Variants in VEGFC observed in about 807,000 individuals in gnomAD.
VEGFC encodes FLT4 ligand DHM.
A neutral mutation model predicts 46.1 loss-of-function variants in VEGFC; 12 were observed. That is an observed-to-expected ratio of 0.26 (90% CI 0.17 to 0.42). The LOEUF is 0.42. Among genes scored for constraint, VEGFC ranks in the 10% least tolerant of loss-of-function variants. The pLI is 1.00. For missense variants in VEGFC, 488 were observed against 529.4 expected (o/e 0.92, Z 0.77); for synonymous variants, 232 against 195.5 (o/e 1.19, Z -1.56).
intron 1 of VEGFC, among the ~76,000 whole-genome samples, chr4:176,763,130 A>T (rs1560959088): frequency 6.6e-6 from 1 of 152,372 alleles, no homozygotes; most frequent in East Asian, 1.9e-4. Flanking sequence ...TAAGCCAAAA[A>T]TACCTTTGAA....
At chr4:176,776,352 TTA>T (rs1160975859) in intron 1 of VEGFC, among the ~76,000 whole-genome samples, 2 of 152,232 alleles carry the variant, frequency 1.3e-5, no homozygotes, top group Non-Finnish European at 2.9e-5. Flanking sequence ...GAGGGCAACA[TTA>T]GCTGCAAAGG....
chr4:176,694,611 G>T (rs1177146197), intron 4 of VEGFC, among the ~76,000 whole-genome samples: 2 of 151,838 alleles, frequency 1.3e-5, no homozygotes, highest in Non-Finnish European at 2.9e-5. Flanking sequence ...ATTGAACTCA[G>T]TTCTGCACCA....
chr4:176,711,434 G>T, intron 4 of VEGFC, 65 bp downstream of exon 4: 1 of 1,504,312 alleles, frequency 6.6e-7, no homozygotes, highest in Non-Finnish European at 8.9e-7. Context: ...TTTAACTTAT[G>T]TTTACTTGAA....
Position 176,683,707 on chromosome 4 carries a change from T to A in VEGFC, c.*219A>T, listed in dbSNP as rs1733983358. On this transcript the variant is annotated 3_prime_UTR_variant, in exon 7 of 7. Coordinates refer to ENST00000618562, the MANE Select transcript of VEGFC (RefSeq NM_005429.5). ...TTAAAGAAATCACAAGAGGAAAATC[T>A]TGGCTGTTTGGTCATTGGCAGAAAA... 2.7e-6 allele frequency: 1 copy of A among 370,116 alleles called. No individual in the cohort carries two copies. Among genetic ancestry groups the A allele is most frequent in the African/African-American group, 2.1e-5 (1 of 48,538 alleles). 22.9% of individuals were successfully genotyped at this position (370,116 alleles called of 1,614,324 possible). A position where few individuals can be genotyped will look rare whatever the true frequency, so the allele number is the denominator to read the frequency against.
chr4:176,758,481 T>C (rs4398479), intron 1 of VEGFC, among the ~76,000 whole-genome samples: 1,698 of 152,214 alleles, frequency 0.011, 25 homozygotes, highest in Middle Eastern at 0.099. Context: ...GCACATTTTT[T>C]AATCTTGGCA....
At chr4:176,780,257 T>A (rs991581409) in intron 1 of VEGFC, among the ~76,000 whole-genome samples, 1 of 151,770 alleles carries the variant, frequency 6.6e-6, no homozygotes, top group African/African-American at 2.4e-5. Context: ...GGTGCGTGCC[T>A]GTAATCCCAG....
chr4:176,710,713 G>C lies in VEGFC; in HGVS notation c.704+786C>G, dbSNP rs976072753. On this transcript the variant is annotated intron_variant, in intron 4 of 6. Coordinates refer to ENST00000618562, the MANE Select transcript of VEGFC (RefSeq NM_005429.5). Reference sequence around the variant, plus strand: ...CACCGGATATCCTAAGGAACAAAGGGTTGCATCCCTACTTTGGGGCAGAAA... The same window carrying C: ...CACCGGATATCCTAAGGAACAAAGGCTTGCATCCCTACTTTGGGGCAGAAA... Among the ~76,000 whole-genome samples, 3 of 152,072 alleles carry C rather than the reference G, an allele frequency of 2.0e-5. No homozygotes were observed. The South Asian group carries it at 6.2e-4, about 32-fold the overall frequency.
intron 4 of VEGFC, among the ~76,000 whole-genome samples, chr4:176,691,144 T>C (rs1034986699): frequency 2.0e-5 from 3 of 152,148 alleles, no homozygotes; most frequent in Non-Finnish European, 4.4e-5. Flanking sequence ...GGTCAACATT[T>C]CCAAAATATT....
chr4:176,750,191 C>T (rs897885913), intron 1 of VEGFC, among the ~76,000 whole-genome samples: 15 of 151,528 alleles, frequency 9.9e-5, no homozygotes, highest in South Asian at 4.1e-4. Flanking sequence ...ATTATTACTC[C>T]GATCTCTGAA....
chr4:176,736,753 T>C (rs1456161311), intron 1 of VEGFC, among the ~76,000 whole-genome samples: 2 of 151,738 alleles, frequency 1.3e-5, no homozygotes, highest in African/African-American at 2.4e-5. Context: ...TGCATAATTG[T>C]TTGTTAAATA....
chr4:176,779,052 C>CTG (rs780363954), intron 1 of VEGFC, among the ~76,000 whole-genome samples: 10 of 152,188 alleles, frequency 6.6e-5, no homozygotes, highest in Admixed American at 3.9e-4. Context: ...ATGTATAGTG[C>CTG]TGTATTTATG....
intron 1 of VEGFC, among the ~76,000 whole-genome samples, chr4:176,732,371 G>A (rs4254711): frequency 0.86 from 131,242 of 151,860 alleles, 57,381 homozygotes; most frequent in East Asian, 1. Flanking sequence ...ATTAGCACCT[G>A]AAGTTTTCTT....
At chr4:176,774,454 C>T (rs536607393) in intron 1 of VEGFC, among the ~76,000 whole-genome samples, 1 of 152,236 alleles carries the variant, frequency 6.6e-6, no homozygotes, top group South Asian at 2.1e-4. Context: ...ACTATTATTT[C>T]GTTATGCTAA....
chr4:176,696,324 C>T (rs563335767), intron 4 of VEGFC, among the ~76,000 whole-genome samples: 1 of 151,780 alleles, frequency 6.6e-6, no homozygotes, highest in Non-Finnish European at 1.5e-5. Flanking sequence ...ATCACAAGCA[C>T]TCTTATACAC....
intron 3 of VEGFC, among the ~76,000 whole-genome samples, chr4:176,718,399 T>C (rs1734729541): frequency 6.6e-6 from 1 of 152,174 alleles, no homozygotes; most frequent in African/African-American, 2.4e-5. Flanking sequence ...TTTCATTATA[T>C]AGTTGCATAT....
intron 1 of VEGFC, among the ~76,000 whole-genome samples, chr4:176,734,526 T>C (rs685405): frequency 0.021 from 3,204 of 151,862 alleles, 82 homozygotes; most frequent in Middle Eastern, 0.11. Flanking sequence ...TACGCGAGAA[T>C]TTCTAAAACA....
intron 1 of VEGFC, among the ~76,000 whole-genome samples, chr4:176,774,772 C>T (rs1221216122): frequency 6.8e-6 from 1 of 146,234 alleles, no homozygotes; most frequent in African/African-American, 2.5e-5. Flanking sequence ...AACTAACCTG[C>T]ACATTGTGCA....
At chr4:176,697,938 G>A (rs1340853253) in intron 4 of VEGFC, among the ~76,000 whole-genome samples, 2 of 150,938 alleles carry the variant, frequency 1.3e-5, no homozygotes, top group South Asian at 4.2e-4. Flanking sequence ...TGAACAATGA[G>A]ATCACATGGA....
intron 1 of VEGFC, among the ~76,000 whole-genome samples, chr4:176,767,508 A>G (rs1437135838): frequency 3.3e-5 from 5 of 152,198 alleles, no homozygotes; most frequent in South Asian, 2.1e-4. Flanking sequence ...CAGGGCTGAT[A>G]GCACTATTCG....
Sources: allele counts gnomAD v4.1 joint callset (sites outside exome capture counted in the v4.1 genomes callset), GRCh38; gene constraint gnomAD v4.1.1; transcripts MANE v1.5; gene names NCBI Gene and HGNC (gene_info 2026-07-23, HGNC 2026-07-21).